Variants in IQGAP2 observed in about 807,000 individuals in gnomAD.
IQGAP2 encodes the protein ras GTPase-activating-like protein IQGAP2.
IQGAP2 carries 173 observed loss-of-function variants against 201.3 expected under a neutral mutation model. That is an observed-to-expected ratio of 0.86 (90% CI 0.76 to 0.98). The LOEUF is 0.98. IQGAP2 is among the 50% of genes least tolerant of loss of function. The pLI is 0.00. For synonymous variants in IQGAP2, 675 were observed against 673.9 expected, an observed-to-expected ratio of 1.00 and a Z score of -0.03; for missense variants, 1,687 against 1,864.8, an observed-to-expected ratio of 0.90 and a Z score of 1.76.
intron 2 of IQGAP2, among the ~76,000 whole-genome samples, chr5:76,469,415 A>G (rs1754983207): frequency 6.8e-6 from 1 of 147,286 alleles, no homozygotes; most frequent in Non-Finnish European, 1.5e-5. Flanking sequence ...TTTTTTTTTG[A>G]GACGTAGTGT....
At chr5:76,645,295 C>T (rs1751947677) in intron 17 of IQGAP2, among the ~76,000 whole-genome samples, 1 of 152,126 alleles carries the variant, frequency 6.6e-6, no homozygotes, top group South Asian at 2.1e-4. Context: ...TTGTGAACAG[C>T]ACTGCAGTAA....
chr5:76,618,512 A>C (rs780269314), intron 13 of IQGAP2: 7 of 1,614,086 alleles, frequency 4.3e-6, no homozygotes, highest in Non-Finnish European at 5.9e-6. Context: ...TAATTTTTAC[A>C]GTAATCGTGG....
intron 2 of IQGAP2, among the ~76,000 whole-genome samples, chr5:76,471,364 C>CAAAAAA (rs59781605): frequency 1.4e-5 from 1 of 72,522 alleles, no homozygotes; most frequent in Non-Finnish European, 2.8e-5. Flanking sequence ...ATAAACTAAG[C>CAAAAAA]AAAAAAAAAA....
intron 35 of IQGAP2, among the ~76,000 whole-genome samples, chr5:76,703,150 G>A (rs1446373859): frequency 2.1e-5 from 3 of 144,516 alleles, no homozygotes; most frequent in African/African-American, 7.7e-5. Context: ...TTTTTTGTGG[G>A]GGGAGGGGGT....
chr5:76,438,760 T>C (rs1195054258), intron 1 of IQGAP2, among the ~76,000 whole-genome samples: 1 of 152,198 alleles, frequency 6.6e-6, no homozygotes, highest in African/African-American at 2.4e-5. Flanking sequence ...TCATTTCTAA[T>C]TGAGTTTGTT....
intron 2 of IQGAP2, among the ~76,000 whole-genome samples, chr5:76,548,294 C>A (rs1743217716): frequency 6.6e-6 from 1 of 152,198 alleles, no homozygotes; most frequent in Non-Finnish European, 1.5e-5. Flanking sequence ...AGCTGTACCC[C>A]CACAGACACT....
intron 1 of IQGAP2, among the ~76,000 whole-genome samples, chr5:76,421,964 A>G (rs1751754848): frequency 6.6e-6 from 1 of 152,248 alleles, no homozygotes. Flanking sequence ...TGGTAATCAG[A>G]ATGAAATAAG....
intron 1 of IQGAP2, among the ~76,000 whole-genome samples, chr5:76,421,409 T>TTGGAGATCAGCCTGGGC (rs1211445586): frequency 1.3e-5 from 2 of 151,314 alleles, no homozygotes; most frequent in African/African-American, 4.9e-5. Context: ...AGGCCAGGAG[T>TTGGAGATCAGCCTGGGC]TGGAGATCAG....
intron 17 of IQGAP2, among the ~76,000 whole-genome samples, chr5:76,648,163 G>T (rs1453120811): frequency 6.6e-6 from 1 of 152,294 alleles, no homozygotes; most frequent in East Asian, 1.9e-4. Flanking sequence ...GAGAGGTCCA[G>T]TAGGTAGCTG....
intron 2 of IQGAP2, among the ~76,000 whole-genome samples, chr5:76,525,069 G>A (rs559943919): frequency 1.3e-5 from 2 of 152,306 alleles, no homozygotes; most frequent in Middle Eastern, 3.4e-3. Context: ...TGGGACTGCC[G>A]TGAGACTGCT....
chr5:76,612,588 G>A (rs1030470497), intron 13 of IQGAP2, among the ~76,000 whole-genome samples: 4 of 152,096 alleles, frequency 2.6e-5, no homozygotes, highest in African/African-American at 7.2e-5. Context: ...TGTCTGATTC[G>A]GAAACATTAT....
rs1177788571 is a variant in IQGAP2, at chr5:76,585,695, G to A, written c.459-3211G>A. ...ATGCCCAGCTAATTTTGTATTTTTAGTAGAGACAGGGTTTCTCCATGTTGG... is the reference window on the plus strand; with the variant it reads ...ATGCCCAGCTAATTTTGTATTTTTAATAGAGACAGGGTTTCTCCATGTTGG... On this transcript the variant is annotated intron_variant, in intron 5 of 35. Coordinates refer to ENST00000274364, the MANE Select transcript of IQGAP2 (RefSeq NM_006633.5). Among the ~76,000 whole-genome samples, 4 of 151,874 alleles carry A rather than the reference G, an allele frequency of 2.6e-5. No individual in the cohort carries two copies. The East Asian group carries it at 5.8e-4, about 22-fold the overall frequency.
intron 17 of IQGAP2, among the ~76,000 whole-genome samples, chr5:76,648,835 C>T (rs1580718971): frequency 9.1e-6 from 1 of 109,542 alleles, no homozygotes; most frequent in Non-Finnish European, 1.8e-5. Context: ...GAGACTATAA[C>T]AACAGAAATT....
intron 2 of IQGAP2, among the ~76,000 whole-genome samples, chr5:76,513,644 T>G (rs1157372087): frequency 1.3e-5 from 2 of 152,122 alleles, no homozygotes; most frequent in Non-Finnish European, 2.9e-5. Context: ...TCCAAGTACA[T>G]GACACCGTGG....
Position 76,589,662 on chromosome 5 carries a change from C to T in IQGAP2, c.574C>T (p.Gln192Ter). The T allele has an allele frequency of 6.2e-7, 1 of 1,608,930 alleles. No homozygotes were observed. Among genetic ancestry groups the T allele is most frequent in the Non-Finnish European group, 8.5e-7 (1 of 1,177,282 alleles). ...AAAAGAACTTGAGAAATATGGAATACAGATGCCATCTTTCAGCAAAATAGG... is the reference window on the plus strand; with the variant it reads ...AAAAGAACTTGAGAAATATGGAATATAGATGCCATCTTTCAGCAAAATAGG... ...MRKELEKYGI[Q>*]MPSFSKIGGI... The change falls in exon 7 of 36, where the codon CAG (glutamine) becomes TAG (stop). Residue 192 changes from glutamine (Q) to a stop codon, truncating the protein, a stop_gained. Transcript: ENST00000274364. LOFTEE classifies it high-confidence loss of function.
chr5:76,607,933 T>TCGAA (rs1340532178), intron 12 of IQGAP2: 6 of 152,402 alleles, frequency 3.9e-5, no homozygotes, highest in Admixed American at 3.3e-4. Context: ...ATGCTTCAGT[T>TCGAA]CTGCTTTGGT....
chr5:76,466,957 A>G (rs1378300358), intron 2 of IQGAP2, among the ~76,000 whole-genome samples: 1 of 152,242 alleles, frequency 6.6e-6, no homozygotes, highest in Non-Finnish European at 1.5e-5. Context: ...CAGAATATAC[A>G]AAGGGTTCTT....
intron 2 of IQGAP2, among the ~76,000 whole-genome samples, chr5:76,475,191 C>T (rs1165354848): frequency 1.3e-5 from 2 of 152,136 alleles, no homozygotes; most frequent in Non-Finnish European, 2.9e-5. Flanking sequence ...TAAGAGTCAC[C>T]ATCTGCTGAG....
At chr5:76,537,487 A>AT (rs112627712) in intron 2 of IQGAP2, among the ~76,000 whole-genome samples, 3,356 of 135,312 alleles carry the variant, frequency 0.025, 89 homozygotes, top group African/African-American at 0.076. Context: ...GTTCACAACT[A>AT]TTTTTTTTTT....
Sources: gnomAD v4.1 joint callset for allele counts (sites outside exome capture counted in the v4.1 genomes callset) on GRCh38, gnomAD v4.1.1 for gene constraint, MANE v1.5 for transcripts, NCBI Gene and HGNC (gene_info 2026-07-23, HGNC 2026-07-21) for gene names.